The following PHLDB1 variants were observed in gnomAD, a reference collection of about 807,000 sequenced individuals.
PHLDB1 encodes pleckstrin homology-like domain family B member 1.
Under a neutral mutation model 139.3 loss-of-function variants are expected in PHLDB1, and 65 were observed. The ratio of observed to expected loss-of-function variants is 0.47; its 90% CI spans 0.38 to 0.57. The LOEUF (loss-of-function observed/expected upper bound fraction) is 0.57, where lower values mean the gene tolerates loss of function less well. PHLDB1 is among the 20% of genes least tolerant of loss of function. The probability of loss-of-function intolerance (pLI) is 0.00; values close to 1 mark genes in which losing one functional copy is unlikely to be tolerated. For synonymous variants in PHLDB1, 679 were observed against 734.5 expected, an observed-to-expected ratio of 0.92 and a Z score of 1.22; for missense variants, 1,624 against 1,839.7, an observed-to-expected ratio of 0.88 and a Z score of 2.14.
At chr11:118,638,492 TGA>T (rs1555117200) in intron 10 of PHLDB1, among the ~76,000 whole-genome samples, 1 of 152,040 alleles carries the variant, frequency 6.6e-6, no homozygotes, top group African/African-American at 2.4e-5. Flanking sequence ...ATCAGGAAGT[TGA>T]GAGAGTGGAA....
intron 4 of PHLDB1, among the ~76,000 whole-genome samples, chr11:118,618,312 GTCCTCCCC>G (rs1555091468): frequency 6.6e-6 from 1 of 152,078 alleles, no homozygotes; most frequent in Non-Finnish European, 1.5e-5. Context: ...CTTCTCCCCA[GTCCTCCCC>G]CTCCCCTGGG....
chr11:118,608,322 G>A lies in PHLDB1; in HGVS notation c.-22+623G>A, dbSNP rs1437327669. 1.3e-5 allele frequency among the ~76,000 whole-genome samples: 2 copies of A among 152,108 alleles called. No homozygotes were observed. Among genetic ancestry groups the A allele is most frequent in the African/African-American group, 4.8e-5 (2 of 41,438 alleles). ...CCCCACGTCCTCGGGGGCCGGGGAG[G>A]CCGCCTGGGGCGCCTTGCCACGCCC... On this transcript the variant is annotated intron_variant, in intron 1 of 22. Transcript: ENST00000600882. The surrounding 1 kb of genome is among the most constrained non-coding windows in gnomAD (Gnocchi z 6.7).
chr11:118,635,286 T>C, intron 9 of PHLDB1, 107 bp from the exon 10 acceptor site: 1 of 1,332,694 alleles, frequency 7.5e-7, no homozygotes. Context: ...TCTTACCCAA[T>C]TTCCCCGGGT....
chr11:118,628,582 G>A lies in PHLDB1; in HGVS notation c.1759G>A (p.Asp587Asn), dbSNP rs372241353. The change falls in exon 6 of 23, where the codon GAC (aspartate) becomes AAC (asparagine). Residue 587 changes from aspartate (D) to asparagine (N), a missense_variant. Physicochemically the swap from Asp to Asn is conservative, Grantham distance 23 (BLOSUM62 1). Transcript: ENST00000600882. The stretch of plus-strand genomic sequence containing the variant: ...CATCACAGAGATCAGTGACAATGAG[G>A]ACGACCTCCTGGAGTACCACCGGCG... ...NSITEISDNE[D>N]DLLEYHRRQR... The A allele has an allele frequency of 1.2e-6, 2 of 1,612,950 alleles. No individual in the cohort carries two copies.
intron 4 of PHLDB1, chr11:118,621,521 G>A (rs1942793111): frequency 6.6e-6 from 1 of 152,234 alleles, no homozygotes; most frequent in African/African-American, 2.4e-5. Flanking sequence ...CGAGCGGTCC[G>A]GAGGTCCGGT....
rs147659032 is a variant in PHLDB1, at chr11:118,650,445, G to A, written c.3772G>A (p.Val1258Ile). The A allele has an allele frequency of 2.5e-6, 4 of 1,610,160 alleles. No individual in the cohort carries two copies. Among genetic ancestry groups the A allele is most frequent in the Non-Finnish European group, 2.6e-6 (3 of 1,176,470 alleles). Residue 1258 changes from valine (V) to isoleucine (I), a missense_variant and splice_region_variant, in exon 20 of 23, where the codon GTC becomes ATC. Val to Ile is a conservative substitution (Grantham distance 29). Transcript: ENST00000600882. The surrounding 1 kb of genome is among the most constrained non-coding windows in gnomAD (Gnocchi z 4.7). ...CTTCCTTACTCCTGCTTCCTACCAG[G>A]TCTGCCGTGGCTACTTGGTCAAGAT... ...TCLHVVLSSK[V>I]CRGYLVKMGG...
chr11:118,632,471 T>C lies in PHLDB1; in HGVS notation c.2379+175T>C. On this transcript the variant is annotated intron_variant, in intron 9 of 22. Transcript: ENST00000600882. The surrounding 1 kb of genome is among the most constrained non-coding windows in gnomAD (Gnocchi z 5.9). ...TCCTCCTCTGTGGAAGGAACCAGCT[T>C]GGAGGGCACTGCCAGGGGCTGGGCT... 1 of 690,514 alleles carries C rather than the reference T, an allele frequency of 1.4e-6. No individual in the cohort carries two copies. The allele number at this position is 690,514 out of a possible 1,614,324, so 42.8% of individuals were successfully genotyped here.
intron 4 of PHLDB1, 123 bp downstream of exon 4, chr11:118,616,334 A>C (rs1292859734): frequency 5.0e-6 from 4 of 803,288 alleles, no homozygotes; most frequent in Non-Finnish European, 8.0e-6. Context: ...CTGGGAATGG[A>C]GTACTCAGGT....
chr11:118,636,626 G>A (rs1304974227), intron 10 of PHLDB1: 1 of 152,182 alleles, frequency 6.6e-6, no homozygotes, highest in South Asian at 2.1e-4. Flanking sequence ...TATAGACAAG[G>A]AAACTAGGAG....
At chr11:118,644,616 C>T (rs782253947) in intron 15 of PHLDB1, 15 of 1,277,878 alleles carry the variant, frequency 1.2e-5, no homozygotes, top group East Asian at 5.6e-5. Context: ...GTGTCTCTAC[C>T]GTACCCTCTG....
rs782497010 is a variant in PHLDB1, at chr11:118,616,088, C to T, written c.232C>T (p.Pro78Ser). 2 of 1,614,058 alleles carry T rather than the reference C, an allele frequency of 1.2e-6. No homozygotes were observed. The highest frequency in any genetic ancestry group is 4.5e-5 in the East Asian group (2 of 44,888). Residue 78 changes from proline to serine, a missense_variant, in exon 4 of 23, where the codon CCA becomes TCA. Coordinates refer to ENST00000600882, the MANE Select transcript of PHLDB1 (RefSeq NM_001144758.3). The part of the protein sequence containing the change: ...SAARDISLQG[P>S]GLAPEHCYIE... ...AGCCAGAGACATCTCACTACAGGGC[C>T]CAGGCCTGGCTCCAGAGCACTGCTA...
In PHLDB1 at chr11:118,632,915, A is replaced by G. The variant is rs1555112480; in HGVS notation, c.2379+619A>G. 3 of 860,650 alleles carry G rather than the reference A, an allele frequency of 3.5e-6. No homozygotes were observed. The highest frequency in any genetic ancestry group is 1.4e-6 in the Non-Finnish European group (1 of 716,284). The allele number at this position is 860,650 out of a possible 1,614,324, so 53.3% of individuals were successfully genotyped here. A position where few individuals can be genotyped will look rare whatever the true frequency, so the allele number is the denominator to read the frequency against. ...TGGATCTGACAGTATTTTTCCAATA[A>G]TTTAATTTTCCTTCTGGATTTTTTG... On this transcript the variant is annotated intron_variant, in intron 9 of 22. Transcript: ENST00000600882. This position sits in a 1 kb window ranked among gnomAD's most constrained non-coding sequence, Gnocchi z 5.9.
rs1050334203 is a variant in PHLDB1, at chr11:118,645,236, G to C, written c.3122-120G>C. 8 of 665,270 alleles carry C rather than the reference G, an allele frequency of 1.2e-5. No individual in the cohort carries two copies. In the East Asian group the frequency reaches 1.8e-4, roughly 15 times the overall value. The allele number at this position is 665,270 out of a possible 1,614,324, so 41.2% of individuals were successfully genotyped here. On this transcript the variant is annotated intron_variant, in intron 15 of 22. Coordinates refer to ENST00000600882, the MANE Select transcript of PHLDB1 (RefSeq NM_001144758.3). The surrounding 1 kb of genome is among the most constrained non-coding windows in gnomAD (Gnocchi z 5.1). ...GGGCCTTAGGGAAGCTGCGGGGAGAGGGGGCTGCTCTGTGTTAACCTCTCC... is the reference window on the plus strand; with the variant it reads ...GGGCCTTAGGGAAGCTGCGGGGAGACGGGGCTGCTCTGTGTTAACCTCTCC...
intron 4 of PHLDB1, among the ~76,000 whole-genome samples, chr11:118,622,729 G>C (rs1196092100): frequency 6.6e-6 from 1 of 152,206 alleles, no homozygotes; most frequent in Non-Finnish European, 1.5e-5. Context: ...CTCATCACCA[G>C]TAGGCTTGTT....
At position 118,630,154 on chromosome 11, in the gene PHLDB1, G is replaced by A. The variant is rs533508883; in HGVS notation, c.1828-1053G>A. The A allele has an allele frequency of 7.7e-4, 711 of 928,074 alleles. 3 individuals carry two copies. Among genetic ancestry groups the A allele is most frequent in the Admixed American group, 1.3e-3 (56 of 42,432 alleles). The allele number at this position is 928,074 out of a possible 1,614,324, so 57.5% of individuals were successfully genotyped here. On this transcript the variant is annotated intron_variant, in intron 6 of 22. Coordinates refer to ENST00000600882, the MANE Select transcript of PHLDB1 (RefSeq NM_001144758.3). Reference sequence around the variant, plus strand: ...GTTTGGGTTCATGGCCAAACTGTAAGTGATGAGAGACACTTGAGGAGGTCT... The same window carrying A: ...GTTTGGGTTCATGGCCAAACTGTAAATGATGAGAGACACTTGAGGAGGTCT...
chr11:118,637,665 T>C (rs189383770), intron 10 of PHLDB1: 7 of 152,342 alleles, frequency 4.6e-5, no homozygotes, highest in Admixed American at 4.6e-4. Flanking sequence ...TGGTCTTTTC[T>C]TGGACTGACC....
chr11:118,644,236 C>A, intron 15 of PHLDB1, 62 bp downstream of exon 15: 1 of 1,079,712 alleles, frequency 9.3e-7, no homozygotes, highest in Non-Finnish European at 1.4e-6. Flanking sequence ...GTTGCCATGC[C>A]TCCTCTATGC....
intron 13 of PHLDB1, 85 bp downstream of exon 13, chr11:118,642,479 A>G (rs1946741451): frequency 2.1e-5 from 30 of 1,457,744 alleles, no homozygotes; most frequent in Non-Finnish European, 2.8e-5. Flanking sequence ...GCCACACAGT[A>G]CCACCTTGAG....
At position 118,639,238 on chromosome 11, in the gene PHLDB1, C is replaced by T. The variant is rs782014795; in HGVS notation, c.2723C>T (p.Ser908Leu). The T allele has an allele frequency of 2.5e-5, 40 of 1,613,234 alleles. 1 individual carries two copies. The highest frequency in any genetic ancestry group is 3.3e-4 in the Middle Eastern group (2 of 6,062). The change falls in exon 12 of 23, where the codon TCG (serine) becomes TTG (leucine). Residue 908 changes from serine (S) to leucine (L), a missense_variant. By Grantham distance (145) the Ser-to-Leu change is moderately radical. Coordinates refer to ENST00000600882, the MANE Select transcript of PHLDB1 (RefSeq NM_001144758.3). ...TGGRPFPKTTSTLKEMEKLLL... is the reference protein window; with the variant it reads ...TGGRPFPKTTLTLKEMEKLLL... ...GGCAGGCCTTTCCCGAAGACCACATCGACCCTCAAAGAGGTATCATGATTG... is the reference window on the plus strand; with the variant it reads ...GGCAGGCCTTTCCCGAAGACCACATTGACCCTCAAAGAGGTATCATGATTG...
Sources: allele counts gnomAD v4.1 joint callset (sites outside exome capture counted in the v4.1 genomes callset), GRCh38; gene constraint gnomAD v4.1.1; non-coding constraint Gnocchi (gnomAD v3.1); transcripts MANE v1.5; gene names NCBI Gene and HGNC (gene_info 2026-07-23, HGNC 2026-07-21).